Variants in GAREM1 observed in about 807,000 individuals in gnomAD.
The protein encoded by GAREM1 is GRB2-associated and regulator of MAPK protein 1.
A neutral mutation model predicts 71.3 loss-of-function variants in GAREM1; 26 were observed. That is an observed-to-expected ratio of 0.36 (90% CI 0.27 to 0.51). The LOEUF (loss-of-function observed/expected upper bound fraction) is 0.51, where lower values mean the gene tolerates loss of function less well. GAREM1 is among the 20% of genes least tolerant of loss of function. The pLI, the probability that GAREM1 is intolerant of heterozygous loss-of-function variation, is 0.95. For synonymous variants in GAREM1, 440 were observed against 433.2 expected (o/e 1.02, Z -0.20); for missense variants, 1,026 against 1,103.1 (o/e 0.93, Z 0.99).
intron 4 of GAREM1, among the ~76,000 whole-genome samples, chr18:32,270,899 T>C (rs1484447968): frequency 2.6e-5 from 2 of 78,342 alleles, no homozygotes; most frequent in African/African-American, 6.8e-5. Flanking sequence ...TCAGGGATGT[T>C]TTTTTTTTTT....
chr18:32,440,996 C>T (rs2048731134), intron 1 of GAREM1, among the ~76,000 whole-genome samples: 1 of 152,126 alleles, frequency 6.6e-6, no homozygotes, highest in Admixed American at 6.6e-5. Context: ...CATTTTATGA[C>T]ATCTTTTTCT....
chr18:32,383,225 T>C (rs190157293), intron 2 of GAREM1, among the ~76,000 whole-genome samples: 3 of 152,316 alleles, frequency 2.0e-5, no homozygotes, highest in Non-Finnish European at 2.9e-5. Context: ...GTCTGAATCA[T>C]CTACCCTCTT....
chr18:32,454,586 T>C (rs1033016734), intron 1 of GAREM1, among the ~76,000 whole-genome samples: 2 of 152,184 alleles, frequency 1.3e-5, no homozygotes, highest in Admixed American at 6.5e-5. Flanking sequence ...CAGGCTAATA[T>C]ATGCAAATAT....
intron 4 of GAREM1, among the ~76,000 whole-genome samples, chr18:32,278,649 C>T (rs1203925329): frequency 6.6e-6 from 1 of 152,200 alleles, no homozygotes; most frequent in Non-Finnish European, 1.5e-5. Flanking sequence ...TCTTCCCACA[C>T]TCCCAGATAA....
intron 2 of GAREM1, among the ~76,000 whole-genome samples, chr18:32,362,489 T>C (rs1160405345): frequency 6.6e-6 from 1 of 152,200 alleles, no homozygotes; most frequent in African/African-American, 2.4e-5. Context: ...CTGCAATGTG[T>C]GATTTTGTTT....
At chr18:32,382,970 G>A (rs539003331) in intron 2 of GAREM1, among the ~76,000 whole-genome samples, 24 of 152,272 alleles carry the variant, frequency 1.6e-4, no homozygotes, top group African/African-American at 5.8e-4. Flanking sequence ...GAAACGTATG[G>A]AATGTAGAAG....
At chr18:32,444,190 T>C (rs181267390) in intron 1 of GAREM1, among the ~76,000 whole-genome samples, 42 of 152,338 alleles carry the variant, frequency 2.8e-4, no homozygotes, top group Admixed American at 2.3e-3. Context: ...AATTAACAAA[T>C]GGTGATGGTT....
chr18:32,343,009 T>A (rs1429116802), intron 2 of GAREM1, among the ~76,000 whole-genome samples: 3 of 152,254 alleles, frequency 2.0e-5, no homozygotes, highest in Non-Finnish European at 4.4e-5. Flanking sequence ...GAAGACAACA[T>A]GTCTGACAGT....
chr18:32,386,850 C>A (rs1019964631), intron 2 of GAREM1, among the ~76,000 whole-genome samples: 1 of 152,094 alleles, frequency 6.6e-6, no homozygotes, highest in Non-Finnish European at 1.5e-5. Context: ...GTATTACTCA[C>A]GTGCCAGCAC....
intron 1 of GAREM1, among the ~76,000 whole-genome samples, chr18:32,455,437 C>T (rs1257847703): frequency 6.6e-6 from 1 of 152,106 alleles, no homozygotes; most frequent in Non-Finnish European, 1.5e-5. Flanking sequence ...GGGGGAAATA[C>T]ACTTTCAACT....
At chr18:32,401,451 G>GA (rs931950284) in intron 1 of GAREM1, among the ~76,000 whole-genome samples, 4 of 149,004 alleles carry the variant, frequency 2.7e-5, no homozygotes, top group African/African-American at 5.0e-5. Context: ...GTCTTAAAAA[G>GA]AAAAAAAAAG....
chr18:32,348,475 G>A (rs1368141354), intron 2 of GAREM1, among the ~76,000 whole-genome samples: 2 of 152,202 alleles, frequency 1.3e-5, no homozygotes, highest in African/African-American at 4.8e-5. Context: ...TGTAATCCCA[G>A]CACTTTGGGA....
chr18:32,454,603 C>T (rs564794314), intron 1 of GAREM1, among the ~76,000 whole-genome samples: 42 of 152,254 alleles, frequency 2.8e-4, no homozygotes, highest in Non-Finnish European at 4.4e-4. Flanking sequence ...ATATAATTCA[C>T]TAAGTCTTAA....
chr18:32,452,422 G>A (rs16963382), intron 1 of GAREM1, among the ~76,000 whole-genome samples: 13,242 of 152,112 alleles, frequency 0.087, 680 homozygotes, highest in African/African-American at 0.14. Flanking sequence ...CTGTTCAGGC[G>A]TTCCAAACCT....
At position 32,442,576 on chromosome 18, in the gene GAREM1, T is replaced by C. The variant is rs142963166; in HGVS notation, c.121+27732A>G. Among the ~76,000 whole-genome samples, 178 of 152,298 alleles carry C rather than the reference T, an allele frequency of 1.2e-3. 2 individuals carry two copies. In the South Asian group the frequency reaches 0.014, roughly 12 times the overall value. ...AAGATGACTTTATAATAAAACTTTA[T>C]AGCATATTATTTGAGGAAGAGAATA... On this transcript the variant is annotated intron_variant, in intron 1 of 5. Coordinates refer to ENST00000269209, the MANE Select transcript of GAREM1 (RefSeq NM_001242409.2).
At chr18:32,410,663 G>T (rs2048407624) in intron 1 of GAREM1, among the ~76,000 whole-genome samples, 1 of 152,080 alleles carries the variant, frequency 6.6e-6, no homozygotes, top group Non-Finnish European at 1.5e-5. Context: ...ATAACTTCTT[G>T]AGCCTCAGTG....
intron 2 of GAREM1, among the ~76,000 whole-genome samples, chr18:32,335,939 G>A (rs2047587628): frequency 6.6e-6 from 1 of 152,176 alleles, no homozygotes; most frequent in Admixed American, 6.5e-5. Context: ...GACCATGGGA[G>A]CAACGGAGTG....
At position 32,470,458 on chromosome 18, in the gene GAREM1, C is replaced by T; in HGVS notation, c.-30G>A. On this transcript the variant is annotated 5_prime_UTR_variant, in exon 1 of 6. Coordinates refer to ENST00000269209, the MANE Select transcript of GAREM1 (RefSeq NM_001242409.2). The surrounding 1 kb of genome is among the most constrained non-coding windows in gnomAD (Gnocchi z 4.4). ...CCCGAAGCCTCCTGTCCCGCGCTCC[C>T]CCGCCGCCGCCACCGGCACCACCCG... 7.7e-7 allele frequency: 1 copy of T among 1,296,032 alleles called. No homozygotes were observed. The highest frequency in any genetic ancestry group is 1.5e-5 in the African/African-American group (1 of 66,334). The allele number at this position is 1,296,032 out of a possible 1,614,324, so 80.3% of individuals were successfully genotyped here.
At chr18:32,447,481 A>G (rs961033504) in intron 1 of GAREM1, among the ~76,000 whole-genome samples, 1 of 152,232 alleles carries the variant, frequency 6.6e-6, no homozygotes, top group Non-Finnish European at 1.5e-5. Flanking sequence ...TTCCCTTTAT[A>G]GAAAAGTAAG....
Sources: gnomAD v4.1 joint callset for allele counts (sites outside exome capture counted in the v4.1 genomes callset) on GRCh38, gnomAD v4.1.1 for gene constraint, Gnocchi (gnomAD v3.1) non-coding constraint, MANE v1.5 for transcripts, NCBI Gene and HGNC (gene_info 2026-07-23, HGNC 2026-07-21) for gene names.